HIRA: variants seen among roughly 807,000 people sequenced by gnomAD.
HIRA encodes the protein histone cell cycle regulator.
Under a neutral mutation model 126.6 loss-of-function variants are expected in HIRA, and 13 were observed. That is an observed-to-expected ratio of 0.10 (90% CI 0.07 to 0.16). HIRA has a LOEUF of 0.16. Ranked by LOEUF, HIRA falls within the 10% of genes least tolerant of loss-of-function variation. The pLI, the probability that HIRA is intolerant of heterozygous loss-of-function variation, is 1.00. For missense variants in HIRA, 834 were observed against 1,314.4 expected, an observed-to-expected ratio of 0.63 and a Z score of 5.65; for synonymous variants, 511 against 520.0, an observed-to-expected ratio of 0.98 and a Z score of 0.24.
intron 15 of HIRA, among the ~76,000 whole-genome samples, 183 bp from the exon 16 acceptor site, chr22:19,362,114 A>G (rs2088869602): frequency 6.6e-6 from 1 of 152,234 alleles, no homozygotes; most frequent in African/African-American, 2.4e-5. Context: ...ACAAAGAGAC[A>G]CCGGAATCTG....
chr22:19,388,190 C>T (rs1457123292), intron 10 of HIRA, among the ~76,000 whole-genome samples: 5 of 152,236 alleles, frequency 3.3e-5, no homozygotes. Flanking sequence ...TTGGTTCATG[C>T]ACTGACGGAG....
At chr22:19,398,539 T>C (rs766212268) in intron 5 of HIRA, among the ~76,000 whole-genome samples, 46 of 152,246 alleles carry the variant, frequency 3.0e-4, no homozygotes, top group South Asian at 2.1e-4. Context: ...ACAAGTCATC[T>C]TGAGGCCCTC....
At position 19,431,324 on chromosome 22, in the gene HIRA, G is replaced by A. The variant is rs1193276692; in HGVS notation, c.37+116C>T. The A allele has an allele frequency of 1.4e-5, 17 of 1,199,600 alleles. No homozygotes were observed. The East Asian group carries it at 3.7e-4, about 26-fold the overall frequency. The allele number at this position is 1,199,600 out of a possible 1,614,324, so 74.3% of individuals were successfully genotyped here. A position where few individuals can be genotyped will look rare whatever the true frequency, so the allele number is the denominator to read the frequency against. On this transcript the variant is annotated intron_variant, in intron 1 of 24. Transcript: ENST00000263208. Reference sequence around the variant, plus strand: ...CGCTCCCGCCGGCTTCTTGGCTTGGGCACCGGGTACCGGGCGTCAGGGGCG... The same window carrying A: ...CGCTCCCGCCGGCTTCTTGGCTTGGACACCGGGTACCGGGCGTCAGGGGCG...
intron 9 of HIRA, among the ~76,000 whole-genome samples, 173 bp downstream of exon 9, chr22:19,391,928 A>T (rs2089186389): frequency 6.6e-6 from 1 of 152,202 alleles, no homozygotes; most frequent in African/African-American, 2.4e-5. Context: ...AGTCTTCAGC[A>T]CTTCCTTCTG....
At chr22:19,374,423 G>C (rs1233637010) in intron 15 of HIRA, among the ~76,000 whole-genome samples, 1 of 152,108 alleles carries the variant, frequency 6.6e-6, no homozygotes, top group Non-Finnish European at 1.5e-5. Flanking sequence ...AAAGCATTTG[G>C]GATTACAGGC....
chr22:19,403,174 G>C (rs1601847749), intron 5 of HIRA, among the ~76,000 whole-genome samples: 1 of 151,528 alleles, frequency 6.6e-6, no homozygotes, highest in South Asian at 2.1e-4. Context: ...ATTTTTAATA[G>C]GAACTGATGT....
chr22:19,405,851 G>T lies in HIRA; in HGVS notation c.332C>A (p.Ser111Tyr). The change falls in exon 5 of 25, where the codon TCC becomes TAC. Residue 111 changes from serine to tyrosine, a missense_variant. By Grantham distance (144) the Ser-to-Tyr change is moderately radical. This residue lies in a region of HIRA where 102 missense variants were observed against 191.4 expected (regional missense o/e 0.53). Coordinates refer to ENST00000263208, the MANE Select transcript of HIRA (RefSeq NM_003325.4). ...CTCCACATTGGCAAGCTTACCACTGGAGCCGAACACGGTGCTGGGGCCGAT... is the reference window on the plus strand; with the variant it reads ...CTCCACATTGGCAAGCTTACCACTGTAGCCGAACACGGTGCTGGGGCCGAT... ...TYIGPSTVFG[S>Y]SGKLANVEQW... 6.6e-7 allele frequency: 1 copy of T among 1,510,660 alleles called. No individual in the cohort carries two copies. The highest frequency in any genetic ancestry group is 8.9e-7 in the Non-Finnish European group (1 of 1,123,594). The allele number at this position is 1,510,660 out of a possible 1,614,324, so 93.6% of individuals were successfully genotyped here. A position where few individuals can be genotyped will look rare whatever the true frequency, so the allele number is the denominator to read the frequency against.
rs11344836 is a variant in HIRA, at chr22:19,431,044, GA to G, written c.37+395del. Reference sequence around the variant, plus strand: ...GATTTCGGATCTTCATCCTGCCACTGAAAGGCCACAAGGGGGATTTCATCCC... The same window carrying G: ...GATTTCGGATCTTCATCCTGCCACTGAAGGCCACAAGGGGGATTTCATCCC... On this transcript the variant is annotated intron_variant, in intron 1 of 24. Coordinates refer to ENST00000263208, the MANE Select transcript of HIRA (RefSeq NM_003325.4). Among the ~76,000 whole-genome samples the G allele has an allele frequency of 3.5e-3, 531 of 152,302 alleles. 3 individuals are homozygous for G. Among genetic ancestry groups the G allele is most frequent in the African/African-American group, 0.012 (515 of 41,574 alleles).
chr22:19,346,001 C>T lies in HIRA; in HGVS notation c.2937+5357G>A, dbSNP rs1601804562. On this transcript the variant is annotated intron_variant, in intron 24 of 24. Transcript: ENST00000263208. ...TAATATACATAGAGTTCCTACAAACCATTGAGAAAAACAAATGGCAACAAG... is the reference window on the plus strand; with the variant it reads ...TAATATACATAGAGTTCCTACAAACTATTGAGAAAAACAAATGGCAACAAG... Among the ~76,000 whole-genome samples the T allele has an allele frequency of 2.0e-5, 3 of 152,250 alleles. 1 individual carries two copies. Among genetic ancestry groups the T allele is most frequent in the African/African-American group, 7.2e-5 (3 of 41,546 alleles).
chr22:19,342,682 C>G (rs1556007904), intron 24 of HIRA, among the ~76,000 whole-genome samples: 1 of 152,218 alleles, frequency 6.6e-6, no homozygotes, highest in African/African-American at 2.4e-5. Flanking sequence ...GCCACTGCAC[C>G]TGGCCAGAGA....
chr22:19,355,860 C>A lies in HIRA; in HGVS notation c.2461G>T (p.Asp821Tyr). ...AGCAAGATCTGTGATACCGTCATAT[C>A]ACTTCCTGAGGACAGCATGGGAATG... ...ESLHSILAGS[D>Y]MTVSQILLTQ... The change falls in exon 21 of 25, where the codon GAT becomes TAT. Residue 821 changes from aspartate to tyrosine, a missense_variant. This residue lies in a region of HIRA where 468 missense variants were observed against 574.2 expected (regional missense o/e 0.82). Coordinates refer to ENST00000263208, the MANE Select transcript of HIRA (RefSeq NM_003325.4). 6.2e-7 allele frequency: 1 copy of A among 1,610,860 alleles called. No homozygotes were observed. The highest frequency in any genetic ancestry group is 8.5e-7 in the Non-Finnish European group (1 of 1,177,188).
intron 15 of HIRA, among the ~76,000 whole-genome samples, chr22:19,370,912 T>C (rs1461898779): frequency 6.6e-6 from 1 of 152,156 alleles, no homozygotes. Context: ...CCTGTGGACA[T>C]AGCTGCTGAG....
At chr22:19,412,269 A>T (rs2089359300) in intron 1 of HIRA, among the ~76,000 whole-genome samples, 1 of 152,186 alleles carries the variant, frequency 6.6e-6, no homozygotes, top group Non-Finnish European at 1.5e-5. Context: ...GACAAGTGAG[A>T]ATCAAGGTCA....
chr22:19,377,947 A>G lies in HIRA; in HGVS notation c.1535T>C (p.Phe512Ser), dbSNP rs752663990. The G allele has an allele frequency of 1.2e-6, 2 of 1,613,902 alleles. No homozygotes were observed. Among genetic ancestry groups the G allele is most frequent in the Non-Finnish European group, 8.5e-7 (1 of 1,179,928 alleles). The change falls in exon 14 of 25, where the codon TTC becomes TCC. Residue 512 changes from phenylalanine (F) to serine (S), a missense_variant. This residue lies in a region of HIRA where 468 missense variants were observed against 574.2 expected (regional missense o/e 0.82). Transcript: ENST00000263208. ...CTCTGTGCAAGGCTTCGAGGCGCCG[A>G]AGGAGTTAGGGGTACTGGAGTCCAG... ...LPLDSSTPNS[F>S]GASKPCTEPV...
chr22:19,413,595 CTATTTATTTATTTATT>C (rs376817979), intron 1 of HIRA, among the ~76,000 whole-genome samples: 174 of 143,768 alleles, frequency 1.2e-3, no homozygotes, highest in African/African-American at 4.2e-3. Flanking sequence ...GGGAATGAAA[CTATTTATTTATTTATT>C]TATTTATTTA....
intron 15 of HIRA, among the ~76,000 whole-genome samples, chr22:19,371,229 G>C (rs571857492): frequency 6.6e-6 from 1 of 151,996 alleles, no homozygotes; most frequent in African/African-American, 2.4e-5. Context: ...CAACTACCCC[G>C]CAGCACATCC....
chr22:19,427,760 C>T (rs2089499844), intron 1 of HIRA, among the ~76,000 whole-genome samples: 1 of 152,148 alleles, frequency 6.6e-6, no homozygotes, highest in Admixed American at 6.5e-5. Flanking sequence ...CATGAGAATT[C>T]CAGAAAAAAC....
intron 24 of HIRA, among the ~76,000 whole-genome samples, chr22:19,335,304 G>A (rs1236420540): frequency 1.3e-5 from 2 of 152,054 alleles, no homozygotes; most frequent in East Asian, 3.9e-4. Context: ...GAGTGCAGTG[G>A]CGTGATCTTG....
chr22:19,390,601 C>CAAAAAAAAAAAAAAAAAAAAAAAA lies in HIRA; in HGVS notation c.936+1476_936+1499dup, dbSNP rs575050947. 6.3e-4 allele frequency among the ~76,000 whole-genome samples: 24 copies of CAAAAAAAAAAAAAAAAAAAAAAAA among 38,340 alleles called. 2 individuals carry two copies. Among genetic ancestry groups the CAAAAAAAAAAAAAAAAAAAAAAAA allele is most frequent in the African/African-American group, 1.2e-3 (14 of 11,456 alleles). The allele number at this position is 38,340 out of a possible 152,430, so 25.2% of individuals were successfully genotyped here. Reference sequence around the variant, plus strand: ...TGGGCAATAGAGGGAGACTCTGTCTCAAAAAAAAAAAAAAAAAAAAAAAAA... The same window carrying CAAAAAAAAAAAAAAAAAAAAAAAA: ...TGGGCAATAGAGGGAGACTCTGTCTCAAAAAAAAAAAAAAAAAAAAAAAAAAAAAAAAAAAAAAAAAAAAAAAAA... On this transcript the variant is annotated intron_variant, in intron 9 of 24. Coordinates refer to ENST00000263208, the MANE Select transcript of HIRA (RefSeq NM_003325.4).
Sources: allele counts gnomAD v4.1 joint callset (sites outside exome capture counted in the v4.1 genomes callset), GRCh38; gene constraint gnomAD v4.1.1; regional missense constraint gnomAD v4.1.1; transcripts MANE v1.5; gene names NCBI Gene and HGNC (gene_info 2026-07-23, HGNC 2026-07-21).